The following MRPS23 variants were observed in gnomAD, a reference collection of about 807,000 sequenced individuals.
The protein encoded by MRPS23 is small ribosomal subunit protein mS23.
MRPS23 carries 14 observed loss-of-function variants against 19.8 expected under a neutral mutation model. That is an observed-to-expected ratio of 0.71 (90% CI 0.47 to 1.11). MRPS23 has a LOEUF of 1.11. Ranked by LOEUF, MRPS23 falls within the 50% of genes least tolerant of loss-of-function variation. The pLI is 0.00. For synonymous variants in MRPS23, 113 were observed against 89.7 expected (o/e 1.26, Z -1.47); for missense variants, 242 against 236.7 (o/e 1.02, Z -0.15).
intron 2 of MRPS23, among the ~76,000 whole-genome samples, chr17:57,843,122 A>T (rs918584005): frequency 3.3e-5 from 5 of 152,014 alleles, no homozygotes; most frequent in Non-Finnish European, 7.4e-5. Flanking sequence ...AAAAAAAATT[A>T]AAAATTAGCC....
chr17:57,840,237 A>G (rs1408904016), intron 4 of MRPS23, among the ~76,000 whole-genome samples: 2 of 152,194 alleles, frequency 1.3e-5, no homozygotes. Flanking sequence ...GCTACAAAAA[A>G]TTAGCTGAGC....
chr17:57,838,804 G>GCCTCACAGTGTACCAGGAGAGATGAGAC lies in MRPS23; in HGVS notation c.*978_*979insGTCTCATCTCTCCTGGTACACTGTGAGG, dbSNP rs2073722885. 1 of 152,228 alleles carries GCCTCACAGTGTACCAGGAGAGATGAGAC rather than the reference G, an allele frequency of 6.6e-6. No homozygotes were observed. The highest frequency in any genetic ancestry group is 2.4e-5 in the African/African-American group (1 of 41,420). 9.4% of individuals were successfully genotyped at this position (152,228 alleles called of 1,614,324 possible). A position where few individuals can be genotyped will look rare whatever the true frequency, so the allele number is the denominator to read the frequency against. Reference sequence around the variant, plus strand: ...TCACAGTGTACCAGGAGAGATGAGAGCATACACAAAGAATCACTGGGTAGA... The same window carrying GCCTCACAGTGTACCAGGAGAGATGAGAC: ...TCACAGTGTACCAGGAGAGATGAGAGCCTCACAGTGTACCAGGAGAGATGAGACCATACACAAAGAATCACTGGGTAGA... On this transcript the variant is annotated 3_prime_UTR_variant, in exon 5 of 5. Coordinates refer to ENST00000313608, the MANE Select transcript of MRPS23 (RefSeq NM_016070.4).
intron 2 of MRPS23, among the ~76,000 whole-genome samples, chr17:57,842,843 T>C (rs2073747328): frequency 7.4e-6 from 1 of 134,348 alleles, no homozygotes; most frequent in African/African-American, 2.8e-5. Flanking sequence ...GGCAACATGG[T>C]GAGACCTGAG....
intron 2 of MRPS23, 131 bp from the exon 3 acceptor site, chr17:57,841,391 A>C: frequency 1.1e-6 from 1 of 890,646 alleles, no homozygotes; most frequent in Non-Finnish European, 1.7e-6. Context: ...GCCTAAGCTG[A>C]ACAGTTTTGT....
chr17:57,840,058 C>T, intron 4 of MRPS23, 123 bp from the exon 5 acceptor site: 2 of 1,118,676 alleles, frequency 1.8e-6, no homozygotes, highest in Non-Finnish European at 2.6e-6. Flanking sequence ...TATCTTAGAT[C>T]CAATTCTACT....
chr17:57,835,133 C>A lies in MRPS23; in HGVS notation c.*4650G>T, dbSNP rs1173998085. The A allele has an allele frequency of 6.6e-6, 1 of 152,272 alleles. No homozygotes were observed. Among genetic ancestry groups the A allele is most frequent in the Non-Finnish European group, 1.5e-5 (1 of 68,088 alleles). 9.4% of individuals were successfully genotyped at this position (152,272 alleles called of 1,614,324 possible). On this transcript the variant is annotated 3_prime_UTR_variant, in exon 5 of 5. Transcript: ENST00000313608. ...AAAGCATTTACCTGCCAGCCCCCAA[C>A]ATCCCAGATCTCTCCCCACTACCCT...
chr17:57,840,314 G>A (rs1263730779), intron 4 of MRPS23, among the ~76,000 whole-genome samples: 1 of 151,996 alleles, frequency 6.6e-6, no homozygotes, highest in Non-Finnish European at 1.5e-5. Context: ...ATGAACCTAG[G>A]AGGCAGAGCT....
chr17:57,842,879 A>AATAT (rs1163576750), intron 2 of MRPS23, among the ~76,000 whole-genome samples: 1 of 99,420 alleles, frequency 1.0e-5, no homozygotes, highest in African/African-American at 4.3e-5. Context: ...AAAAAAAAAA[A>AATAT]ATATATATAT....
At chr17:57,849,825 TGA>T (rs1418072344) in intron 1 of MRPS23, 140 bp downstream of exon 1, 9 of 965,790 alleles carry the variant, frequency 9.3e-6, no homozygotes, top group African/African-American at 1.7e-5. Context: ...GGAGAAAACA[TGA>T]GAGGGCCTCA....
intron 2 of MRPS23, among the ~76,000 whole-genome samples, chr17:57,846,606 T>C (rs1178189286): frequency 2.0e-5 from 3 of 152,200 alleles, no homozygotes; most frequent in Admixed American, 1.3e-4. Context: ...TGTTAATCTA[T>C]AACCTTACCC....
chr17:57,848,673 C>G (rs2073792143), intron 2 of MRPS23: 1 of 151,076 alleles, frequency 6.6e-6, no homozygotes, highest in Non-Finnish European at 1.5e-5. Flanking sequence ...CCGCACCCGG[C>G]CTCTCTTAGA....
rs2073696447 is a variant in MRPS23, at chr17:57,835,055, A to G, written c.*4728T>C. ...GTCAGACATATAGATGATGGAAGACATGGGACGTGAATTTCTTTTGCTGGC... is the reference window on the plus strand; with the variant it reads ...GTCAGACATATAGATGATGGAAGACGTGGGACGTGAATTTCTTTTGCTGGC... On this transcript the variant is annotated 3_prime_UTR_variant, in exon 5 of 5. Transcript: ENST00000313608. The G allele has an allele frequency of 1.3e-5, 2 of 152,226 alleles. No individual in the cohort carries two copies. Among genetic ancestry groups the G allele is most frequent in the African/African-American group, 4.8e-5 (2 of 41,448 alleles). 9.4% of individuals were successfully genotyped at this position (152,226 alleles called of 1,614,324 possible).
chr17:57,838,286 T>G lies in MRPS23; in HGVS notation c.*1497A>C. On this transcript the variant is annotated 3_prime_UTR_variant, in exon 5 of 5. Coordinates refer to ENST00000313608, the MANE Select transcript of MRPS23 (RefSeq NM_016070.4). Reference sequence around the variant, plus strand: ...GCCTGGGAAACAAAGTGATACTCCATCGCAAAAAAAAAAAAAAAAAAAAAA... The same window carrying G: ...GCCTGGGAAACAAAGTGATACTCCAGCGCAAAAAAAAAAAAAAAAAAAAAA... 2 of 10,284 alleles carry G rather than the reference T, an allele frequency of 1.9e-4. No individual in the cohort carries two copies. Among genetic ancestry groups the G allele is most frequent in the Non-Finnish European group, 3.8e-4 (2 of 5,332 alleles). 0.6% of individuals were successfully genotyped at this position (10,284 alleles called of 1,614,324 possible).
rs948939483 is a variant in MRPS23 at position 57,841,184 on chromosome 17, G to A, written c.292C>T (p.Arg98Trp). 25 of 1,613,986 alleles carry A rather than the reference G, an allele frequency of 1.5e-5. No individual in the cohort carries two copies. The highest frequency in any genetic ancestry group is 6.7e-5 in the African/African-American group (5 of 74,936). Reference protein sequence around the residue: ...FNPNFKSTCQRFVEKYTELQK... With the variant: ...FNPNFKSTCQWFVEKYTELQK... ...CCTAGGACTTATAAAATGGCTTACC[G>A]TTGACAGGTAGACTTGAAGTTTGGA... Residue 98 changes from arginine to tryptophan, a missense_variant and splice_region_variant, in exon 3 of 5, where the codon CGG becomes TGG. Arg to Trp is a moderately radical substitution (Grantham distance 101). Transcript: ENST00000313608.
At chr17:57,843,424 G>T (rs2073753135) in intron 2 of MRPS23, among the ~76,000 whole-genome samples, 1 of 152,168 alleles carries the variant, frequency 6.6e-6, no homozygotes, top group Middle Eastern at 3.2e-3. Flanking sequence ...AAAGCAAACT[G>T]AATTTCCTTT....
At chr17:57,849,210 C>T (rs2144880997) in intron 2 of MRPS23, 30 bp downstream of exon 2, 1 of 1,604,888 alleles carries the variant, frequency 6.2e-7, no homozygotes, top group Non-Finnish European at 8.5e-7. Flanking sequence ...GTTCTGTTGC[C>T]TCCTGTCCAC....
rs763427580 is a variant in MRPS23 at position 57,841,072 on chromosome 17, C to A, written c.294-20G>T. 6.2e-6 allele frequency: 10 copies of A among 1,613,186 alleles called. No homozygotes were observed. In the East Asian group the frequency reaches 2.2e-4, roughly 36 times the overall value. On this transcript the variant is annotated intron_variant, in intron 3 of 4. Transcript: ENST00000313608. ...ACAAACCTGTAATTCCAAGCAGTCA[C>A]ATTTTAGGTATGTTTGTAAGCATTG...
rs929490638 is a variant in MRPS23 at position 57,838,330 on chromosome 17, A to T, written c.*1453T>A. On this transcript the variant is annotated 3_prime_UTR_variant, in exon 5 of 5. Transcript: ENST00000313608. ...AAAAAAAAAAAAATTAAAAATCTAC[A>T]GAGGAGGAAAACAAACAAAAATAGC... 7 of 148,682 alleles carry T rather than the reference A, an allele frequency of 4.7e-5. No homozygotes were observed. Among genetic ancestry groups the T allele is most frequent in the Middle Eastern group, 3.4e-3 (1 of 294 alleles). 9.2% of individuals were successfully genotyped at this position (148,682 alleles called of 1,614,324 possible).
Position 57,841,261 on chromosome 17 carries a change from C to G in MRPS23, c.216-1G>C. On this transcript the variant is annotated splice_acceptor_variant, in intron 2 of 4. Coordinates refer to ENST00000313608, the MANE Select transcript of MRPS23 (RefSeq NM_016070.4). LOFTEE classifies it high-confidence loss of function. ...AGACCCATACACTGAATAAAACTTC[C>G]TAGAAAATGCAAACAACATAATATA... The G allele has an allele frequency of 6.2e-7, 1 of 1,612,660 alleles. No homozygotes were observed. Among genetic ancestry groups the G allele is most frequent in the South Asian group, 1.1e-5 (1 of 90,814 alleles).
Sources: allele counts gnomAD v4.1 joint callset (sites outside exome capture counted in the v4.1 genomes callset), GRCh38; gene constraint gnomAD v4.1.1; transcripts MANE v1.5; gene names NCBI Gene and HGNC (gene_info 2026-07-23, HGNC 2026-07-21).